The following MMEL1 variants were observed in gnomAD, a reference collection of about 807,000 sequenced individuals.
The protein encoded by MMEL1 is membrane metallo-endopeptidase-like 1.
A neutral mutation model predicts 117.1 loss-of-function variants in MMEL1; 98 were observed. The observed-to-expected ratio is 0.84, with a 90% CI of 0.71 to 0.99. MMEL1 has a LOEUF of 0.99. Among genes scored for constraint, MMEL1 ranks in the 50% least tolerant of loss-of-function variants. The pLI, the probability that MMEL1 is intolerant of heterozygous loss-of-function variation, is 0.00. For missense variants in MMEL1, 1,014 were observed against 1,049.1 expected, an observed-to-expected ratio of 0.97 and a Z score of 0.46; for synonymous variants, 390 against 415.1, an observed-to-expected ratio of 0.94 and a Z score of 0.74.
At chr1:2,605,671 G>C in intron 8 of MMEL1, 48 bp from the exon 9 acceptor site, 1 of 1,492,838 alleles carries the variant, frequency 6.7e-7, no homozygotes, top group Non-Finnish European at 9.3e-7. Context: ...CGGGGTCCCC[G>C]CAGCCTGGCT....
chr1:2,614,861 C>G (rs1019654960), intron 2 of MMEL1, among the ~76,000 whole-genome samples: 3 of 151,080 alleles, frequency 2.0e-5, no homozygotes, highest in Non-Finnish European at 2.9e-5. Context: ...ACGAGATGAG[C>G]TTGGAGCATG....
chr1:2,631,262 C>G (rs978970614), intron 1 of MMEL1, among the ~76,000 whole-genome samples: 2 of 152,166 alleles, frequency 1.3e-5, no homozygotes, highest in African/African-American at 2.4e-5. Context: ...CAGCTTAGCC[C>G]TGTACCAGGC....
Position 2,595,117 on chromosome 1 carries a change from CTG to C in MMEL1, c.1584+157_1584+158del, listed in dbSNP as rs924377774. Among the ~76,000 whole-genome samples the C allele has an allele frequency of 1.3e-5, 2 of 152,190 alleles. No homozygotes were observed. The highest frequency in any genetic ancestry group is 3.8e-4 in the East Asian group (2 of 5,196). On this transcript the variant is annotated intron_variant, in intron 16 of 23. Transcript: ENST00000378412. This position sits in a 1 kb window ranked among gnomAD's most constrained non-coding sequence, Gnocchi z 4.8. ...AGGCCTCAGTTTCCCCATCTGTACA[CTG>C]AGGGTAGTGCTGGAGCCACCACCCT...
Position 2,596,008 on chromosome 1 carries a change from C to G in MMEL1, c.1500+1G>C, listed in dbSNP as rs1288211609. On this transcript the variant is annotated splice_donor_variant, in intron 15 of 23. Transcript: ENST00000378412. LOFTEE classifies it high-confidence loss of function. ...TGCCCTGACCTCTGCGAGCCACATA[C>G]CTTCTCCTGCGCCTTCTTCTTGGAC... 1.2e-6 allele frequency: 2 copies of G among 1,613,518 alleles called. No individual in the cohort carries two copies. The highest frequency in any genetic ancestry group is 2.7e-5 in the African/African-American group (2 of 74,872).
At position 2,596,565 on chromosome 1, in the gene MMEL1, C is replaced by G. The variant is rs757474320; in HGVS notation, c.1397G>C (p.Ser466Thr). 1 of 1,610,072 alleles carries G rather than the reference C, an allele frequency of 6.2e-7. No homozygotes were observed. The highest frequency in any genetic ancestry group is 2.2e-5 in the East Asian group (1 of 44,866). ...VREAFPGDSK[S>T]MVRELIDKVR... ...CCATGGATGAGGGGCGCCCACCATG[C>G]TCTTGCTGTCTCCAGGGAACGCCTC... is the stretch of plus-strand genomic sequence containing the variant. The change falls in exon 14 of 24, where the codon AGC becomes ACC. Residue 466 changes from serine (S) to threonine (T), a missense_variant. Physicochemically the swap from Ser to Thr is moderately conservative, Grantham distance 58 (BLOSUM62 1). Transcript: ENST00000378412.
At chr1:2,601,218 G>A (rs1190068757) in intron 11 of MMEL1, among the ~76,000 whole-genome samples, 1 of 152,190 alleles carries the variant, frequency 6.6e-6, no homozygotes, top group Non-Finnish European at 1.5e-5. Flanking sequence ...TAAAGCTGAA[G>A]GAGTGATGGT....
At chr1:2,596,499 G>T in intron 14 of MMEL1, 62 bp downstream of exon 14, 1 of 1,580,978 alleles carries the variant, frequency 6.3e-7, no homozygotes, top group East Asian at 2.2e-5. Flanking sequence ...TCTCAGGGCA[G>T]GGAGGCTCGG....
chr1:2,617,244 G>A (rs367571226), intron 2 of MMEL1, among the ~76,000 whole-genome samples: 4 of 151,942 alleles, frequency 2.6e-5, no homozygotes, highest in East Asian at 1.9e-4. Flanking sequence ...CGGCTAACAC[G>A]GTGAAACCCC....
Position 2,591,053 on chromosome 1 carries a change from T to C in MMEL1, c.2277A>G (p.Ala759=). The C allele has an allele frequency of 6.2e-7, 1 of 1,606,712 alleles. No homozygotes were observed. Residue 759 remains alanine (A), a synonymous_variant, in exon 24 of 24, where the codon GCA becomes GCG. Transcript: ENST00000378412. The stretch of plus-strand genomic sequence containing the variant: ...TGCCCCGGGCACAGTGGAACGTGTC[T>C]GCGAAGGCGGCCAGGTTCTGCAGCG... ...LGSLQNLAAF[A]DTFHCARGTP...
At chr1:2,614,584 T>G (rs1297390868) in intron 2 of MMEL1, among the ~76,000 whole-genome samples, 1 of 152,152 alleles carries the variant, frequency 6.6e-6, no homozygotes, top group Non-Finnish European at 1.5e-5. Context: ...TGCAGATGGT[T>G]GCATATATAA....
chr1:2,605,414 A>G, intron 9 of MMEL1, 144 bp downstream of exon 9: 2 of 729,570 alleles, frequency 2.7e-6, no homozygotes, highest in South Asian at 3.3e-5. Flanking sequence ...TGCACCCGCC[A>G]CCCTCAGTGC....
chr1:2,605,810 G>A (rs1236699616), intron 8 of MMEL1, among the ~76,000 whole-genome samples, 187 bp from the exon 9 acceptor site: 1 of 151,860 alleles, frequency 6.6e-6, no homozygotes, highest in Non-Finnish European at 1.5e-5. Flanking sequence ...TGGGGGCGCT[G>A]GGCTGGACTG....
intron 21 of MMEL1, among the ~76,000 whole-genome samples, chr1:2,592,304 G>GCGCCCCCCTCCCCTGTAGCGCTGA (rs1557516139): frequency 7.9e-6 from 1 of 127,358 alleles, no homozygotes; most frequent in African/African-American, 3.0e-5. Flanking sequence ...TGAGGCACTG[G>GCGCCCCCCTCCCCTGTAGCGCTGA]TGCCCCCCTC....
At chr1:2,619,021 C>T (rs1645248890) in intron 2 of MMEL1, among the ~76,000 whole-genome samples, 1 of 152,102 alleles carries the variant, frequency 6.6e-6, no homozygotes, top group Non-Finnish European at 1.5e-5. Flanking sequence ...TGTGCGTGGC[C>T]CAAGTGACTT....
intron 1 of MMEL1, among the ~76,000 whole-genome samples, chr1:2,630,678 C>T (rs753317305): frequency 4.8e-5 from 7 of 146,456 alleles, no homozygotes; most frequent in Non-Finnish European, 7.5e-5. Context: ...CGGATATGCA[C>T]GTGTGTGCGT....
chr1:2,629,690 T>G, intron 1 of MMEL1, 169 bp from the exon 2 acceptor site: 1 of 562,856 alleles, frequency 1.8e-6, no homozygotes, highest in Non-Finnish European at 3.0e-6. Context: ...TCCCGGGACT[T>G]TCCACACTAC....
At chr1:2,596,815 G>C (rs1226739577) in intron 13 of MMEL1, 126 bp from the exon 14 acceptor site, 3 of 1,073,012 alleles carry the variant, frequency 2.8e-6, no homozygotes, top group Non-Finnish European at 4.0e-6. Flanking sequence ...CGGGGCTAGC[G>C]GGGGCACGGG....
At chr1:2,606,743 T>A (rs887662989) in intron 7 of MMEL1, among the ~76,000 whole-genome samples, 1 of 152,100 alleles carries the variant, frequency 6.6e-6, no homozygotes, top group Non-Finnish European at 1.5e-5. Flanking sequence ...GGGGCACCCC[T>A]CTGCAGGGCT....
At chr1:2,593,690 G>T in intron 19 of MMEL1, 124 bp downstream of exon 19, 2 of 1,341,142 alleles carry the variant, frequency 1.5e-6, no homozygotes, top group Non-Finnish European at 2.0e-6. Flanking sequence ...AGCTCCCTGA[G>T]GACCTGGCCT....
Sources: allele counts gnomAD v4.1 joint callset (sites outside exome capture counted in the v4.1 genomes callset), GRCh38; gene constraint gnomAD v4.1.1; non-coding constraint Gnocchi (gnomAD v3.1); transcripts MANE v1.5; gene names NCBI Gene and HGNC (gene_info 2026-07-23, HGNC 2026-07-21).